The following AFF1 variants were observed in gnomAD, a reference collection of about 807,000 sequenced individuals.
The protein encoded by AFF1 is ALF transcription elongation factor 1.
Under a neutral mutation model 121.7 loss-of-function variants are expected in AFF1, and 48 were observed. The observed-to-expected ratio is 0.39, with a 90% CI of 0.31 to 0.50. The LOEUF (loss-of-function observed/expected upper bound fraction) is 0.50. Among genes scored for constraint, AFF1 ranks in the 20% least tolerant of loss-of-function variants. The probability of loss-of-function intolerance (pLI) is 0.76; values close to 1 mark genes in which losing one functional copy is unlikely to be tolerated. For missense variants in AFF1, 1,523 were observed against 1,511.7 expected (o/e 1.01, Z -0.12); for synonymous variants, 613 against 563.0 (o/e 1.09, Z -1.26).
At chr4:87,071,541 C>T (rs767797821) in intron 4 of AFF1, among the ~76,000 whole-genome samples, 43 of 151,970 alleles carry the variant, frequency 2.8e-4, no homozygotes, top group Non-Finnish European at 5.6e-4. Context: ...CTTCCTTCCC[C>T]ACCCCCAAGC....
At chr4:87,116,373 A>C (rs958539143) in intron 12 of AFF1, among the ~76,000 whole-genome samples, 5 of 152,128 alleles carry the variant, frequency 3.3e-5, no homozygotes, top group African/African-American at 1.2e-4. Flanking sequence ...CTTTTTCATG[A>C]TGATGAAAGA....
At chr4:87,021,256 A>G (rs565376358) in intron 2 of AFF1, among the ~76,000 whole-genome samples, 5 of 152,338 alleles carry the variant, frequency 3.3e-5, no homozygotes, top group African/African-American at 4.8e-5. Flanking sequence ...AAAGTTTTAA[A>G]TGGATTACCG....
intron 2 of AFF1, 138 bp from the exon 3 acceptor site, chr4:87,046,028 C>T (rs1267770734): frequency 2.8e-6 from 3 of 1,083,906 alleles, no homozygotes; most frequent in South Asian, 1.6e-5. Flanking sequence ...GGAACTTAGG[C>T]TTTCTTTAAA....
Position 87,118,876 on chromosome 4 carries a change from G to T in AFF1, c.2466+3577G>T, listed in dbSNP as rs574011022. On this transcript the variant is annotated intron_variant, in intron 12 of 20. Coordinates refer to ENST00000395146, the MANE Select transcript of AFF1 (RefSeq NM_001166693.3). Reference sequence around the variant, plus strand: ...TTTAAATGAAAGTATGCTCCACAGGGTGGGAGCCGGCTGAAGCAAGAGGCT... The same window carrying T: ...TTTAAATGAAAGTATGCTCCACAGGTTGGGAGCCGGCTGAAGCAAGAGGCT... Among the ~76,000 whole-genome samples the T allele has an allele frequency of 6.6e-4, 100 of 152,324 alleles. 1 individual carries two copies. The highest frequency in any genetic ancestry group is 1.2e-3 in the Non-Finnish European group (81 of 68,036).
chr4:87,034,270 G>A (rs939647721), intron 2 of AFF1, among the ~76,000 whole-genome samples: 27 of 152,242 alleles, frequency 1.8e-4, no homozygotes, highest in Non-Finnish European at 1.9e-4. Flanking sequence ...AGGGAGGATA[G>A]GGGGAGGAAG....
chr4:86,961,045 C>T (rs1460704940), intron 2 of AFF1, among the ~76,000 whole-genome samples: 2 of 152,208 alleles, frequency 1.3e-5, no homozygotes, highest in African/African-American at 4.8e-5. Context: ...GACAAGCTAT[C>T]CTCCAGATGA....
chr4:86,986,271 C>T (rs915106722), intron 2 of AFF1, among the ~76,000 whole-genome samples: 3 of 151,940 alleles, frequency 2.0e-5, no homozygotes, highest in Non-Finnish European at 2.9e-5. Flanking sequence ...AGGGTTTCAC[C>T]ATGTTGGCCA....
chr4:87,040,635 C>G (rs1456514325), intron 2 of AFF1, among the ~76,000 whole-genome samples: 1 of 151,098 alleles, frequency 6.6e-6, no homozygotes, highest in Admixed American at 6.6e-5. Flanking sequence ...GGCGCAATCT[C>G]GGCTCACAGC....
At chr4:86,949,197 T>A (rs1721090526) in intron 2 of AFF1, among the ~76,000 whole-genome samples, 1 of 148,214 alleles carries the variant, frequency 6.7e-6, no homozygotes, top group Non-Finnish European at 1.5e-5. Context: ...TTTTTTGAGA[T>A]GGAGTCTCAG....
Position 87,126,080 on chromosome 4 carries a change from A to G in AFF1, c.2574-19A>G, listed in dbSNP as rs1484881044. 6.2e-7 allele frequency: 1 copy of G among 1,610,820 alleles called. No individual in the cohort carries two copies. Among genetic ancestry groups the G allele is most frequent in the Admixed American group, 1.7e-5 (1 of 59,998 alleles). On this transcript the variant is annotated intron_variant, in intron 13 of 20. Coordinates refer to ENST00000395146, the MANE Select transcript of AFF1 (RefSeq NM_001166693.3). ...GTGTACTTTGCCTCCTCTTAGTTTT[A>G]CGTGATGTTTCACTCCAGGCCCTCC... is the stretch of plus-strand genomic sequence containing the variant.
intron 12 of AFF1, among the ~76,000 whole-genome samples, chr4:87,124,495 C>T (rs371623464): frequency 1.3e-5 from 2 of 152,108 alleles, no homozygotes; most frequent in Non-Finnish European, 2.9e-5. Context: ...GTAAAATACA[C>T]GGGATTTTGT....
At chr4:87,003,367 A>G (rs1725867509) in intron 2 of AFF1, among the ~76,000 whole-genome samples, 1 of 152,154 alleles carries the variant, frequency 6.6e-6, no homozygotes. Context: ...GGGCTCACGC[A>G]ATCCTCTTGC....
intron 2 of AFF1, among the ~76,000 whole-genome samples, chr4:87,015,645 G>A (rs1344575704): frequency 2.0e-5 from 3 of 152,156 alleles, no homozygotes; most frequent in Admixed American, 1.3e-4. Context: ...CCTTAGGGCA[G>A]GGAGGGGCCT....
chr4:87,032,267 G>A (rs1729152710), intron 2 of AFF1, among the ~76,000 whole-genome samples: 1 of 152,204 alleles, frequency 6.6e-6, no homozygotes, highest in Admixed American at 6.5e-5. Flanking sequence ...ACCAATAGAT[G>A]TTTCCAGCTT....
Position 87,075,388 on chromosome 4 carries a change from A to G in AFF1, c.1060-8732A>G, listed in dbSNP as rs185840589. On this transcript the variant is annotated intron_variant, in intron 4 of 20. Coordinates refer to ENST00000395146, the MANE Select transcript of AFF1 (RefSeq NM_001166693.3). ...TGTACACATATATACACACGTATTC[A>G]ATATGTTATATATATATCTCCTATC... Among the ~76,000 whole-genome samples the G allele has an allele frequency of 6.2e-3, 939 of 152,122 alleles. 5 individuals are homozygous for G. Among genetic ancestry groups the G allele is most frequent in the Non-Finnish European group, 9.6e-3 (656 of 67,992 alleles).
At chr4:86,937,913 C>T (rs530700846) in intron 1 of AFF1, among the ~76,000 whole-genome samples, 73 of 152,240 alleles carry the variant, frequency 4.8e-4, no homozygotes, top group African/African-American at 1.7e-3. Flanking sequence ...GCCTACAAGT[C>T]ACTTTAGCCA....
rs752670143 is a variant in AFF1 at position 87,007,264 on chromosome 4, A to G, written c.39-38902A>G. ...GCGCCGAGGACGCCCGGGGCTCGAG[A>G]GCAGGTAGTCCCGTAACATCGGGGC... On this transcript the variant is annotated intron_variant, in intron 2 of 20. Transcript: ENST00000395146. 3.3e-6 allele frequency: 5 copies of G among 1,518,156 alleles called. No homozygotes were observed. The Admixed American group carries it at 6.7e-5, about 20-fold the overall frequency. The allele number at this position is 1,518,156 out of a possible 1,614,324, so 94.0% of individuals were successfully genotyped here.
At chr4:86,972,274 C>T (rs1723002163) in intron 2 of AFF1, among the ~76,000 whole-genome samples, 1 of 150,622 alleles carries the variant, frequency 6.6e-6, no homozygotes, top group Non-Finnish European at 1.5e-5. Flanking sequence ...TCTGTTATAG[C>T]TGAGGTTAAA....
chr4:86,951,786 T>C (rs769785369), intron 2 of AFF1, among the ~76,000 whole-genome samples: 2 of 151,976 alleles, frequency 1.3e-5, no homozygotes, highest in Non-Finnish European at 2.9e-5. Flanking sequence ...CCAGCTAATT[T>C]TTGTATTTTT....
Sources: gnomAD v4.1 joint callset for allele counts (sites outside exome capture counted in the v4.1 genomes callset) on GRCh38, gnomAD v4.1.1 for gene constraint, MANE v1.5 for transcripts, NCBI Gene and HGNC (gene_info 2026-07-23, HGNC 2026-07-21) for gene names.